Variants in ARHGAP28 observed in about 807,000 individuals in gnomAD.
ARHGAP28 encodes rho GTPase-activating protein 28.
In ARHGAP28, 56 loss-of-function variants were observed where a neutral mutation model predicts 90.7. The ratio of observed to expected loss-of-function variants is 0.62; its 90% CI spans 0.50 to 0.77. The LOEUF (loss-of-function observed/expected upper bound fraction) is 0.77, where lower values mean the gene tolerates loss of function less well. Ranked by LOEUF, ARHGAP28 falls within the 30% of genes least tolerant of loss-of-function variation. ARHGAP28 has a pLI of 0.00. For synonymous variants in ARHGAP28, 308 were observed against 323.3 expected (o/e 0.95, Z 0.51); for missense variants, 869 against 900.9 (o/e 0.96, Z 0.45).
At chr18:6,819,737 GTCCC>G (rs2056614552) in intron 1 of ARHGAP28, among the ~76,000 whole-genome samples, 1 of 152,182 alleles carries the variant, frequency 6.6e-6, no homozygotes, top group Admixed American at 6.5e-5. Context: ...GATCTCTGTA[GTCCC>G]ATGGTGTTTA....
chr18:6,736,259 G>A (rs143173824), intron 1 of ARHGAP28, among the ~76,000 whole-genome samples: 64 of 151,116 alleles, frequency 4.2e-4, no homozygotes, highest in African/African-American at 1.5e-3. Flanking sequence ...GCTTTTAAAA[G>A]GTCAGCCAAA....
chr18:6,898,984 A>G (rs1441517046), intron 16 of ARHGAP28, among the ~76,000 whole-genome samples: 1 of 152,178 alleles, frequency 6.6e-6, no homozygotes, highest in Non-Finnish European at 1.5e-5. Flanking sequence ...TTACCACTAC[A>G]TAATTTACTC....
chr18:6,756,434 C>T (rs113165041), intron 1 of ARHGAP28, among the ~76,000 whole-genome samples: 168 of 152,238 alleles, frequency 1.1e-3, no homozygotes, highest in African/African-American at 3.6e-3. Flanking sequence ...TAAGATACCA[C>T]ATAGAAGGGG....
intron 4 of ARHGAP28, among the ~76,000 whole-genome samples, chr18:6,852,932 G>A (rs1038615792): frequency 3.9e-5 from 6 of 152,196 alleles, no homozygotes; most frequent in African/African-American, 1.2e-4. Flanking sequence ...AATGAGGTGT[G>A]ATCTGATTGG....
intron 2 of ARHGAP28, chr18:6,834,616 T>C (rs2056739212): frequency 6.6e-6 from 1 of 152,134 alleles, no homozygotes; most frequent in Admixed American, 6.5e-5. Flanking sequence ...GGATAATAGA[T>C]TAGAAGGGGA....
chr18:6,812,569 T>A (rs2056564411), intron 1 of ARHGAP28, among the ~76,000 whole-genome samples: 1 of 152,134 alleles, frequency 6.6e-6, no homozygotes, highest in African/African-American at 2.4e-5. Context: ...CTGACTAAGA[T>A]GACAGAAAAT....
At chr18:6,876,464 C>T (rs917443267) in intron 10 of ARHGAP28, among the ~76,000 whole-genome samples, 6 of 152,060 alleles carry the variant, frequency 3.9e-5, no homozygotes, top group African/African-American at 1.4e-4. Flanking sequence ...TCAAAAACTG[C>T]TGCTTGCCTT....
chr18:6,887,708 C>A (rs1325771830), intron 12 of ARHGAP28, among the ~76,000 whole-genome samples: 1 of 152,148 alleles, frequency 6.6e-6, no homozygotes, highest in East Asian at 1.9e-4. Context: ...CAAGTGTGAG[C>A]CACCACGCCC....
chr18:6,828,452 G>C (rs1397412728), intron 2 of ARHGAP28, among the ~76,000 whole-genome samples: 1 of 152,116 alleles, frequency 6.6e-6, no homozygotes, highest in African/African-American at 2.4e-5. Context: ...GTCAATTTTT[G>C]TTTTTATAGA....
intron 5 of ARHGAP28, among the ~76,000 whole-genome samples, chr18:6,862,745 G>A (rs1009421504): frequency 3.3e-5 from 5 of 152,064 alleles, no homozygotes; most frequent in Non-Finnish European, 2.9e-5. Context: ...GATTAATATT[G>A]GAGAGAGAAT....
chr18:6,805,724 G>C (rs2056514129), intron 1 of ARHGAP28, among the ~76,000 whole-genome samples: 1 of 151,404 alleles, frequency 6.6e-6, no homozygotes, highest in East Asian at 1.9e-4. Flanking sequence ...GACCTCAGGT[G>C]ATCCACCCAC....
intron 1 of ARHGAP28, among the ~76,000 whole-genome samples, chr18:6,780,833 A>T (rs1471342051): frequency 6.6e-6 from 1 of 151,528 alleles, no homozygotes; most frequent in Non-Finnish European, 1.5e-5. Context: ...TGGAGGTTGC[A>T]GTGAGCCGAG....
At chr18:6,894,094 C>T (rs2057287487) in intron 14 of ARHGAP28, among the ~76,000 whole-genome samples, 1 of 152,024 alleles carries the variant, frequency 6.6e-6, no homozygotes, top group Non-Finnish European at 1.5e-5. Flanking sequence ...GTCTAGATCT[C>T]CCGATCTCAT....
At chr18:6,819,602 G>A (rs2056613648) in intron 1 of ARHGAP28, among the ~76,000 whole-genome samples, 1 of 152,210 alleles carries the variant, frequency 6.6e-6, no homozygotes, top group Non-Finnish European at 1.5e-5. Context: ...ATTGGAATTT[G>A]TAGAAGCTCC....
At chr18:6,879,947 G>A (rs949867091) in intron 10 of ARHGAP28, among the ~76,000 whole-genome samples, 3 of 152,218 alleles carry the variant, frequency 2.0e-5, no homozygotes, top group Non-Finnish European at 2.9e-5. Context: ...CTGGTGCCCT[G>A]TTGCCCCTTA....
intron 2 of ARHGAP28, chr18:6,834,603 T>G (rs1417553890): frequency 6.6e-6 from 1 of 152,152 alleles, no homozygotes; most frequent in African/African-American, 2.4e-5. Flanking sequence ...TTAGTTATAA[T>G]ATGGATAATA....
intron 8 of ARHGAP28, 29 bp from the exon 9 acceptor site, chr18:6,873,655 T>A: frequency 6.2e-7 from 1 of 1,607,934 alleles, no homozygotes; most frequent in Non-Finnish European, 8.5e-7. Flanking sequence ...TTCTTTTTTT[T>A]TTTCCCCCTT....
At chr18:6,816,602 G>A (rs4638664) in intron 1 of ARHGAP28, among the ~76,000 whole-genome samples, 29,260 of 152,076 alleles carry the variant, frequency 0.19, 3,235 homozygotes, top group African/African-American at 0.29. Flanking sequence ...GAGGGAAGGC[G>A]AAATCTTTGG....
chr18:6,756,009 G>A (rs1376031133), intron 1 of ARHGAP28, among the ~76,000 whole-genome samples: 1 of 152,172 alleles, frequency 6.6e-6, no homozygotes, highest in Middle Eastern at 3.2e-3. Flanking sequence ...TATGGGGAAG[G>A]GTAGGAGTCC....
Sources: gnomAD v4.1 joint callset for allele counts (sites outside exome capture counted in the v4.1 genomes callset) on GRCh38, gnomAD v4.1.1 for gene constraint, MANE v1.5 for transcripts, NCBI Gene and HGNC (gene_info 2026-07-23, HGNC 2026-07-21) for gene names.